Variants in AUTS2 observed in about 807,000 individuals in gnomAD.
The protein encoded by AUTS2 is activator of transcription and developmental regulator AUTS2, also known as autism susceptibility gene 2 protein.
Under a neutral mutation model 112.4 loss-of-function variants are expected in AUTS2, and 17 were observed. The observed-to-expected ratio is 0.15, with a 90% CI of 0.10 to 0.23. The LOEUF (loss-of-function observed/expected upper bound fraction) is 0.23. Ranked by LOEUF, AUTS2 falls within the 10% of genes least tolerant of loss-of-function variation. AUTS2 has a pLI of 1.00. For synonymous variants in AUTS2, 751 were observed against 702.7 expected, an observed-to-expected ratio of 1.07 and a Z score of -1.09; for missense variants, 1,510 against 1,701.6, an observed-to-expected ratio of 0.89 and a Z score of 1.98.
chr7:69,878,136 A>AGAG (rs923300310), intron 1 of AUTS2, among the ~76,000 whole-genome samples: 5 of 152,104 alleles, frequency 3.3e-5, no homozygotes, highest in African/African-American at 1.2e-4. Context: ...AGAAAGGCAA[A>AGAG]GAGGATGGTG....
At chr7:70,567,444 TTTGTC>T (rs1486050060) in intron 5 of AUTS2, among the ~76,000 whole-genome samples, 1 of 152,336 alleles carries the variant, frequency 6.6e-6, no homozygotes, top group East Asian at 1.9e-4. Flanking sequence ...TCTCTGGCTC[TTTGTC>T]CTTGGGCAAG....
At chr7:70,009,068 C>T (rs1799672912) in intron 2 of AUTS2, among the ~76,000 whole-genome samples, 1 of 152,050 alleles carries the variant, frequency 6.6e-6, no homozygotes, top group Admixed American at 6.6e-5. Context: ...GAGAGTGGCT[C>T]ATGGTTTTGG....
At chr7:70,419,254 A>G (rs1214762194) in intron 4 of AUTS2, among the ~76,000 whole-genome samples, 4 of 152,094 alleles carry the variant, frequency 2.6e-5, no homozygotes, top group South Asian at 2.1e-4. Context: ...CTGTTCCCCA[A>G]TTTGGTAACA....
At chr7:69,985,963 A>G (rs890589249) in intron 2 of AUTS2, among the ~76,000 whole-genome samples, 6 of 151,960 alleles carry the variant, frequency 3.9e-5, no homozygotes, top group South Asian at 2.1e-4. Flanking sequence ...GGGTCTTACT[A>G]TGTTGCCCAG....
chr7:69,788,351 C>G (rs912447694), intron 1 of AUTS2, among the ~76,000 whole-genome samples: 1 of 152,000 alleles, frequency 6.6e-6, no homozygotes, highest in African/African-American at 2.4e-5. Context: ...AAAGAGGGTG[C>G]AAAGGAAGAA....
intron 6 of AUTS2, among the ~76,000 whole-genome samples, chr7:70,757,405 T>G (rs1425681436): frequency 1.3e-5 from 2 of 152,232 alleles, no homozygotes; most frequent in Non-Finnish European, 2.9e-5. Flanking sequence ...TTATATTTTT[T>G]GTAAACAGTT....
intron 1 of AUTS2, among the ~76,000 whole-genome samples, chr7:69,675,960 G>A (rs1382023193): frequency 3.3e-5 from 5 of 152,178 alleles, no homozygotes; most frequent in Non-Finnish European, 7.3e-5. Flanking sequence ...TATATTGGCA[G>A]ATCATCCATG....
intron 2 of AUTS2, among the ~76,000 whole-genome samples, chr7:69,949,899 TA>T (rs2129545825): frequency 6.6e-6 from 1 of 152,292 alleles, no homozygotes; most frequent in South Asian, 2.1e-4. Flanking sequence ...AGATATTTGT[TA>T]AATTGAACTG....
At chr7:69,943,157 A>G (rs765581063) in intron 2 of AUTS2, among the ~76,000 whole-genome samples, 3 of 152,224 alleles carry the variant, frequency 2.0e-5, no homozygotes, top group Non-Finnish European at 4.4e-5. Flanking sequence ...AAATGTGCTT[A>G]TAGATTAAGA....
intron 4 of AUTS2, among the ~76,000 whole-genome samples, chr7:70,371,385 T>TA (rs1435774295): frequency 1.3e-5 from 2 of 152,230 alleles, no homozygotes; most frequent in Non-Finnish European, 2.9e-5. Context: ...ACTGATCAGA[T>TA]AACCATCTGC....
chr7:70,209,306 T>G (rs190938712), intron 4 of AUTS2, among the ~76,000 whole-genome samples: 10 of 152,258 alleles, frequency 6.6e-5, no homozygotes, highest in Admixed American at 6.5e-5. Flanking sequence ...AAAGGTTGTA[T>G]GAGGAAGAAT....
intron 1 of AUTS2, among the ~76,000 whole-genome samples, chr7:69,668,403 C>T (rs1223915923): frequency 6.6e-6 from 1 of 152,080 alleles, no homozygotes. Flanking sequence ...TTTGAAAGTA[C>T]ACATGTAGTG....
chr7:70,012,520 A>G (rs1799851258), intron 2 of AUTS2, among the ~76,000 whole-genome samples: 1 of 151,976 alleles, frequency 6.6e-6, no homozygotes, highest in African/African-American at 2.4e-5. Flanking sequence ...CACTTGCTTT[A>G]CTTCTTCCAG....
chr7:70,774,073 C>A lies in AUTS2; in HGVS notation c.1876C>A (p.His626Asn). The A allele has an allele frequency of 6.2e-7, 1 of 1,614,236 alleles. No homozygotes were observed. The highest frequency in any genetic ancestry group is 2.2e-5 in the East Asian group (1 of 44,892). ...DVAARPGTVP[H>N]TLLQKDPRLT... is the part of the protein sequence containing the mutation. Reference sequence around the variant, plus strand: ...CGCTGCTCGGCCTGGGACAGTCCCACACACTTTACTCCAAAAGGACCCGAG... The same window carrying A: ...CGCTGCTCGGCCTGGGACAGTCCCAAACACTTTACTCCAAAAGGACCCGAG... The change falls in exon 12 of 19, where the codon CAC (histidine) becomes AAC (asparagine). Residue 626 changes from histidine (H) to asparagine (N), a missense_variant. By Grantham distance (68) the His-to-Asn change is moderately conservative (BLOSUM62 1). This residue lies in a region of AUTS2 where 187 missense variants were observed against 309.7 expected (regional missense o/e 0.60). Coordinates refer to ENST00000342771, the MANE Select transcript of AUTS2 (RefSeq NM_015570.4).
chr7:70,016,163 A>G (rs368180230), intron 2 of AUTS2, among the ~76,000 whole-genome samples: 21 of 152,292 alleles, frequency 1.4e-4, no homozygotes, highest in African/African-American at 5.1e-4. Flanking sequence ...GGGAGAAAGA[A>G]GAGACAGGAG....
intron 2 of AUTS2, among the ~76,000 whole-genome samples, chr7:69,997,524 T>C (rs956928067): frequency 1.6e-4 from 25 of 152,190 alleles, no homozygotes; most frequent in African/African-American, 5.3e-4. Context: ...AGGAAGTTTA[T>C]TTGGCTCACA....
chr7:70,412,699 A>G (rs1794826798), intron 4 of AUTS2, among the ~76,000 whole-genome samples: 1 of 152,240 alleles, frequency 6.6e-6, no homozygotes, highest in South Asian at 2.1e-4. Flanking sequence ...ACTTATTAAA[A>G]TAATATAATT....
chr7:70,442,379 T>C (rs1230953989), intron 5 of AUTS2, among the ~76,000 whole-genome samples: 1 of 152,210 alleles, frequency 6.6e-6, no homozygotes, highest in Non-Finnish European at 1.5e-5. Context: ...TCCTCAGGCT[T>C]CTATATTTCA....
intron 4 of AUTS2, among the ~76,000 whole-genome samples, chr7:70,161,260 CT>C (rs1428489278): frequency 6.6e-6 from 1 of 151,324 alleles, no homozygotes; most frequent in Non-Finnish European, 1.5e-5. Flanking sequence ...TTTAATGAAT[CT>C]TTCCCCCAAT....
Sources: allele counts gnomAD v4.1 joint callset (sites outside exome capture counted in the v4.1 genomes callset), GRCh38; gene constraint gnomAD v4.1.1; regional missense constraint gnomAD v4.1.1; transcripts MANE v1.5; gene names NCBI Gene and HGNC (gene_info 2026-07-23, HGNC 2026-07-21).